Variants in ULK4 observed in about 807,000 individuals in gnomAD.
ULK4 encodes inactive serine/threonine-protein kinase ULK4.
Under a neutral mutation model 160.6 loss-of-function variants are expected in ULK4, and 133 were observed. The observed-to-expected ratio is 0.83, with a 90% CI of 0.72 to 0.96. The LOEUF (loss-of-function observed/expected upper bound fraction) is 0.96. ULK4 is among the 40% of genes least tolerant of loss of function. ULK4 has a pLI of 0.00. For missense variants in ULK4, 1,580 were observed against 1,499.5 expected (o/e 1.05, Z -0.89); for synonymous variants, 534 against 539.8 (o/e 0.99, Z 0.15).
intron 30 of ULK4, among the ~76,000 whole-genome samples, chr3:41,649,239 C>T (rs969031982): frequency 1.3e-5 from 2 of 152,170 alleles, no homozygotes; most frequent in Admixed American, 6.5e-5. Context: ...ATGGCAGCAG[C>T]GGCCCATTTG....
intron 32 of ULK4, among the ~76,000 whole-genome samples, chr3:41,548,860 C>T (rs2086963634): frequency 6.6e-6 from 1 of 152,154 alleles, no homozygotes; most frequent in African/African-American, 2.4e-5. Context: ...ATCTCCATCC[C>T]CCAGCAAAAT....
chr3:41,933,035 C>T (rs1699648122), intron 4 of ULK4, among the ~76,000 whole-genome samples: 1 of 152,190 alleles, frequency 6.6e-6, no homozygotes. Context: ...GAGCGAGACC[C>T]TGTCTAAAAT....
chr3:41,476,609 C>CTT, intron 32 of ULK4, among the ~76,000 whole-genome samples: 1 of 149,492 alleles, frequency 6.7e-6, no homozygotes, highest in African/African-American at 2.4e-5. Context: ...TAAGCCATTC[C>CTT]TTTTTTTTTT....
rs1007606625 is a variant in ULK4, at chr3:41,729,364, G to A, written c.2322-11503C>T. On this transcript the variant is annotated intron_variant, in intron 22 of 36. Coordinates refer to ENST00000301831, the MANE Select transcript of ULK4 (RefSeq NM_017886.4). ...CAATTGCAGTTCAGGAAGCTACCAG[G>A]AGTTCACGTGGCTGCACTGTGCCAG... is the stretch of plus-strand genomic sequence containing the variant. 3.3e-5 allele frequency among the ~76,000 whole-genome samples: 5 copies of A among 152,192 alleles called. No individual in the cohort carries two copies. In the South Asian group the frequency reaches 1.0e-3, roughly 32 times the overall value.
At chr3:41,625,380 T>C (rs1277422341) in intron 30 of ULK4, among the ~76,000 whole-genome samples, 1 of 152,202 alleles carries the variant, frequency 6.6e-6, no homozygotes, top group African/African-American at 2.4e-5. Flanking sequence ...TTTTAAAAAA[T>C]CGGTCTCCTT....
At chr3:41,823,520 T>C (rs1216283031) in intron 18 of ULK4, among the ~76,000 whole-genome samples, 1 of 152,222 alleles carries the variant, frequency 6.6e-6, no homozygotes, top group African/African-American at 2.4e-5. Flanking sequence ...AAACTGAAAA[T>C]GTGTTGCCTT....
intron 30 of ULK4, among the ~76,000 whole-genome samples, chr3:41,657,102 AT>A (rs2034963441): frequency 6.6e-6 from 1 of 152,174 alleles, no homozygotes; most frequent in African/African-American, 2.4e-5. Flanking sequence ...TATACACTCA[AT>A]AATAAACTAG....
intron 17 of ULK4, among the ~76,000 whole-genome samples, chr3:41,843,079 G>C (rs1322884025): frequency 6.6e-6 from 1 of 152,042 alleles, no homozygotes; most frequent in Non-Finnish European, 1.5e-5. Flanking sequence ...AAACCTTCTA[G>C]AAGAAAATAT....
intron 32 of ULK4, among the ~76,000 whole-genome samples, chr3:41,483,913 C>G (rs2084415730): frequency 6.6e-6 from 1 of 152,152 alleles, no homozygotes; most frequent in African/African-American, 2.4e-5. Context: ...CCAAAGAATG[C>G]AGGGGGCCTC....
intron 27 of ULK4, among the ~76,000 whole-genome samples, chr3:41,693,888 T>A (rs925983550): frequency 6.6e-6 from 1 of 152,204 alleles, no homozygotes; most frequent in Non-Finnish European, 1.5e-5. Flanking sequence ...TCAACTGTAC[T>A]TCAAACGAAT....
chr3:41,315,681 C>T (rs937302881), intron 35 of ULK4, among the ~76,000 whole-genome samples: 6 of 152,146 alleles, frequency 3.9e-5, no homozygotes, highest in Non-Finnish European at 7.3e-5. Flanking sequence ...TAGCCAAGAA[C>T]ACAGGGCTCA....
intron 36 of ULK4, among the ~76,000 whole-genome samples, chr3:41,247,302 G>GCCTGCCTGGCT (rs1559485146): frequency 6.6e-6 from 1 of 152,180 alleles, no homozygotes; most frequent in Non-Finnish European, 1.5e-5. Flanking sequence ...CCTTCAGTGG[G>GCCTGCCTGGCT]CCTGCCTGGC....
At chr3:41,377,507 G>T (rs2081532766) in intron 35 of ULK4, among the ~76,000 whole-genome samples, 1 of 149,268 alleles carries the variant, frequency 6.7e-6, no homozygotes, top group Non-Finnish European at 1.5e-5. Flanking sequence ...AATCTACAAT[G>T]AACTCAAACA....
At chr3:41,600,236 G>A (rs970149475) in intron 31 of ULK4, among the ~76,000 whole-genome samples, 22 of 152,150 alleles carry the variant, frequency 1.4e-4, no homozygotes, top group African/African-American at 5.3e-4. Context: ...TACTTACTGA[G>A]TGTCTAATAT....
chr3:41,398,466 C>T (rs2082112636), intron 34 of ULK4, among the ~76,000 whole-genome samples: 1 of 151,660 alleles, frequency 6.6e-6, no homozygotes, highest in Non-Finnish European at 1.5e-5. Context: ...TCACTGCAGC[C>T]TCAACCTCCT....
intron 35 of ULK4, among the ~76,000 whole-genome samples, chr3:41,277,492 C>T (rs768140339): frequency 6.6e-6 from 1 of 152,058 alleles, no homozygotes; most frequent in African/African-American, 2.4e-5. Context: ...GAATTAAAAA[C>T]AAAAATCACA....
rs374482180 is a variant in ULK4, at chr3:41,700,477, C to T, written c.2781+4580G>A. Among the ~76,000 whole-genome samples the T allele has an allele frequency of 2.6e-4, 40 of 152,260 alleles. No individual in the cohort carries two copies. The South Asian group carries it at 6.6e-3, about 25-fold the overall frequency. Reference sequence around the variant, plus strand: ...ACACTCCTGACAACTGAGGAGGCTGCCCTGGGAAGTTATGATCTCAGACCT... The same window carrying T: ...ACACTCCTGACAACTGAGGAGGCTGTCCTGGGAAGTTATGATCTCAGACCT... On this transcript the variant is annotated intron_variant, in intron 27 of 36. Transcript: ENST00000301831.
chr3:41,594,904 C>T (rs928786214), intron 31 of ULK4, among the ~76,000 whole-genome samples: 2 of 151,930 alleles, frequency 1.3e-5, no homozygotes, highest in African/African-American at 2.4e-5. Context: ...GGAGACAAAT[C>T]GAGCTATGTT....
intron 32 of ULK4, among the ~76,000 whole-genome samples, chr3:41,465,675 T>C (rs2083814996): frequency 6.6e-6 from 1 of 152,204 alleles, no homozygotes; most frequent in African/African-American, 2.4e-5. Context: ...ACATGTCCTG[T>C]AAATTGGTAA....
Sources: gnomAD v4.1 joint callset for allele counts (sites outside exome capture counted in the v4.1 genomes callset) on GRCh38, gnomAD v4.1.1 for gene constraint, MANE v1.5 for transcripts, NCBI Gene and HGNC (gene_info 2026-07-23, HGNC 2026-07-21) for gene names.